Variants in DOCK3 observed in about 807,000 individuals in gnomAD.
The protein encoded by DOCK3 is dedicator of cytokinesis protein 3.
In DOCK3, 60 loss-of-function variants were observed where a neutral mutation model predicts 265.6. That is an observed-to-expected ratio of 0.23 (90% confidence interval 0.18 to 0.28). The LOEUF is 0.28. DOCK3 is among the 10% of genes least tolerant of loss of function. The probability of loss-of-function intolerance (pLI) is 1.00; values close to 1 mark genes in which losing one functional copy is unlikely to be tolerated. For synonymous variants in DOCK3, 881 were observed against 938.0 expected (o/e 0.94, Z 1.11); for missense variants, 1,981 against 2,594.3 (o/e 0.76, Z 5.14).
intron 6 of DOCK3, among the ~76,000 whole-genome samples, chr3:51,065,001 A>G (rs1178964089): frequency 6.6e-6 from 1 of 152,208 alleles, no homozygotes; most frequent in Non-Finnish European, 1.5e-5. Context: ...CTGAATGAGC[A>G]TAACCTACAA....
chr3:51,212,234 G>A (rs1360428108), intron 13 of DOCK3, among the ~76,000 whole-genome samples: 1 of 152,146 alleles, frequency 6.6e-6, no homozygotes, highest in African/African-American at 2.4e-5. Flanking sequence ...ATGTTTAGAA[G>A]TAGAGAGCAG....
At chr3:51,290,540 T>A (rs2081678199) in intron 27 of DOCK3, among the ~76,000 whole-genome samples, 1 of 151,224 alleles carries the variant, frequency 6.6e-6, no homozygotes. Context: ...TGTTGTGGGG[T>A]TGGGGGAGAG....
intron 9 of DOCK3, among the ~76,000 whole-genome samples, chr3:51,092,445 T>C (rs2082674741): frequency 6.6e-6 from 1 of 152,204 alleles, no homozygotes. Context: ...GTAAGGCTGC[T>C]GTGGCCAGAC....
intron 27 of DOCK3, among the ~76,000 whole-genome samples, chr3:51,291,648 C>T (rs1465889322): frequency 6.6e-6 from 1 of 152,180 alleles, no homozygotes; most frequent in Non-Finnish European, 1.5e-5. Flanking sequence ...GATGGCTTCA[C>T]AGTTGAATTC....
At chr3:51,084,555 G>A (rs1324943863) in intron 7 of DOCK3, among the ~76,000 whole-genome samples, 1 of 152,056 alleles carries the variant, frequency 6.6e-6, no homozygotes, top group African/African-American at 2.4e-5. Context: ...AAAAACTGAG[G>A]GAATTCATCA....
chr3:51,077,923 A>G (rs2082106704), intron 7 of DOCK3, among the ~76,000 whole-genome samples: 1 of 152,354 alleles, frequency 6.6e-6, no homozygotes, highest in Non-Finnish European at 1.5e-5. Context: ...CCCAGTGGCC[A>G]TACAGCACTT....
At chr3:50,870,406 A>G (rs1261791438) in intron 3 of DOCK3, among the ~76,000 whole-genome samples, 2 of 152,068 alleles carry the variant, frequency 1.3e-5, no homozygotes, top group African/African-American at 2.4e-5. Flanking sequence ...CTTGAAATCT[A>G]TTTTGTCTAA....
At chr3:50,702,905 A>C (rs1182152388) in intron 1 of DOCK3, among the ~76,000 whole-genome samples, 1 of 152,138 alleles carries the variant, frequency 6.6e-6, no homozygotes. Context: ...GAAAGTGGGC[A>C]TCCTTGTCTT....
chr3:50,824,614 T>C (rs981049753), intron 2 of DOCK3, among the ~76,000 whole-genome samples: 1 of 152,204 alleles, frequency 6.6e-6, no homozygotes, highest in Non-Finnish European at 1.5e-5. Flanking sequence ...CATTTCCTAG[T>C]GTACCTTTTT....
chr3:51,260,624 A>C (rs1164746348), intron 23 of DOCK3, among the ~76,000 whole-genome samples: 2 of 152,162 alleles, frequency 1.3e-5, no homozygotes, highest in Non-Finnish European at 2.9e-5. Flanking sequence ...TTAGTTTTTT[A>C]TGAACACCTT....
At chr3:51,164,641 A>AG (rs71084133) in intron 12 of DOCK3, among the ~76,000 whole-genome samples, 1 of 149,416 alleles carries the variant, frequency 6.7e-6, no homozygotes, top group Non-Finnish European at 1.5e-5. Context: ...AAAAAAAAAA[A>AG]GGAGGAGAGT....
At chr3:51,122,307 C>T (rs1017544223) in intron 9 of DOCK3, among the ~76,000 whole-genome samples, 1 of 152,046 alleles carries the variant, frequency 6.6e-6, no homozygotes, top group African/African-American at 2.4e-5. Flanking sequence ...TAGTAAGACC[C>T]GGTTTCTACA....
chr3:51,134,928 A>G (rs1229358404), intron 9 of DOCK3, among the ~76,000 whole-genome samples: 5 of 152,238 alleles, frequency 3.3e-5, no homozygotes, highest in African/African-American at 7.2e-5. Context: ...CTTCAGAGGT[A>G]AAATACCTGT....
At chr3:51,356,360 G>A in intron 42 of DOCK3, 47 bp from the exon 43 acceptor site, 1 of 1,612,896 alleles carries the variant, frequency 6.2e-7, no homozygotes, top group Non-Finnish European at 8.5e-7. Context: ...GGCAGGGTGT[G>A]GCAAAACTTG....
chr3:50,706,990 T>G (rs1216527076), intron 1 of DOCK3, among the ~76,000 whole-genome samples: 1 of 151,800 alleles, frequency 6.6e-6, no homozygotes, highest in Non-Finnish European at 1.5e-5. Context: ...AGTGAGTGAG[T>G]GAGTTGTTGT....
rs13325993 is a variant in DOCK3 at position 50,699,866 on chromosome 3, C to T, written c.37+24566C>T. On this transcript the variant is annotated intron_variant, in intron 1 of 52. Transcript: ENST00000266037. ...TTTTTATTGATACATAATAATCGTA[C>T]ATATTTTTGGAATACATGTGATATT... is the stretch of plus-strand genomic sequence containing the variant. 2.7e-3 allele frequency among the ~76,000 whole-genome samples: 418 copies of T among 152,196 alleles called. 1 individual carries two copies. Among genetic ancestry groups the T allele is most frequent in the African/African-American group, 9.6e-3 (400 of 41,522 alleles).
intron 9 of DOCK3, among the ~76,000 whole-genome samples, chr3:51,136,470 C>T (rs545480272): frequency 3.9e-5 from 6 of 151,974 alleles, no homozygotes; most frequent in African/African-American, 1.4e-4. Flanking sequence ...GATCTCCTGA[C>T]CTTGTGATCC....
chr3:50,686,971 A>G (rs1430448094), intron 1 of DOCK3, among the ~76,000 whole-genome samples: 1 of 145,738 alleles, frequency 6.9e-6, no homozygotes, highest in Non-Finnish European at 1.5e-5. Flanking sequence ...GCACTTTGGG[A>G]GGCCAAGGTG....
chr3:50,864,901 T>C (rs575177635), intron 3 of DOCK3, among the ~76,000 whole-genome samples: 17 of 152,192 alleles, frequency 1.1e-4, no homozygotes, highest in Middle Eastern at 3.4e-3. Context: ...GGTTTTTTTT[T>C]CCCAGCAGTA....
Sources: gnomAD v4.1 joint callset for allele counts (sites outside exome capture counted in the v4.1 genomes callset) on GRCh38, gnomAD v4.1.1 for gene constraint, MANE v1.5 for transcripts, NCBI Gene and HGNC (gene_info 2026-07-23, HGNC 2026-07-21) for gene names.